The following ZNF285 variants were observed in gnomAD, a reference collection of about 807,000 sequenced individuals.
The protein encoded by ZNF285 is zinc finger protein 285A.
Under a neutral mutation model 6.2 loss-of-function variants are expected in ZNF285, and 4 were observed. That is an observed-to-expected ratio of 0.65 (90% CI 0.32 to 1.49). The LOEUF is 1.49. Among genes scored for constraint, ZNF285 ranks in the 40% most tolerant of loss-of-function variants. The pLI, the probability that ZNF285 is intolerant of heterozygous loss-of-function variation, is 0.07. For synonymous variants in ZNF285, 240 were observed against 245.8 expected (o/e 0.98, Z 0.22); for missense variants, 695 against 708.8 (o/e 0.98, Z 0.22).
Position 44,386,631 on chromosome 19 carries a change from C to T in ZNF285, c.1614G>A (p.Arg538=), listed in dbSNP as rs1464292973. 1.9e-6 allele frequency: 3 copies of T among 1,614,086 alleles called. No individual in the cohort carries two copies. Among genetic ancestry groups the T allele is most frequent in the Non-Finnish European group, 2.5e-6 (3 of 1,180,012 alleles). ...NVHLRVHTGE[R]PYKCKACGKG... ...TACCACATGCCTTACACTTATAGGG[C>T]CTCTCTCCTGTGTGGACTCTGAGGT... Residue 538 remains arginine (R), a synonymous_variant, in exon 4 of 4, where the codon AGG becomes AGA. Coordinates refer to ENST00000614994, the MANE Select transcript of ZNF285 (RefSeq NM_152354.6).
In ZNF285 at chr19:44,382,700, C is replaced by T. The variant is rs1284062198; in HGVS notation, c.*3772G>A. On this transcript the variant is annotated 3_prime_UTR_variant, in exon 4 of 4. Transcript: ENST00000614994. Reference sequence around the variant, plus strand: ...AAGCAGGAAATAGACCACACCTCACCGCTATGTTTTTATCCTTCTTAAAGA... The same window carrying T: ...AAGCAGGAAATAGACCACACCTCACTGCTATGTTTTTATCCTTCTTAAAGA... The T allele has an allele frequency of 6.6e-6, 1 of 152,166 alleles. No individual in the cohort carries two copies. The highest frequency in any genetic ancestry group is 1.9e-4 in the East Asian group (1 of 5,196). The allele number at this position is 152,166 out of a possible 1,614,324, so 9.4% of individuals were successfully genotyped here. A position where few individuals can be genotyped will look rare whatever the true frequency, so the allele number is the denominator to read the frequency against.
intron 3 of ZNF285, among the ~76,000 whole-genome samples, chr19:44,390,920 C>A (rs1199445518): frequency 6.6e-6 from 1 of 151,986 alleles, no homozygotes; most frequent in East Asian, 1.9e-4. Flanking sequence ...CTTTGGGAGG[C>A]TGAGGCGGGT....
rs1971028898 is a variant in ZNF285 at position 44,383,367 on chromosome 19, A to C, written c.*3105T>G. 6.6e-6 allele frequency: 1 copy of C among 152,194 alleles called. No homozygotes were observed. The highest frequency in any genetic ancestry group is 1.5e-5 in the Non-Finnish European group (1 of 68,048). The allele number at this position is 152,194 out of a possible 1,614,324, so 9.4% of individuals were successfully genotyped here. On this transcript the variant is annotated 3_prime_UTR_variant, in exon 4 of 4. Coordinates refer to ENST00000614994, the MANE Select transcript of ZNF285 (RefSeq NM_152354.6). ...TGAGCCTGTTCCCTGATGAGGCCTT[A>C]AGAGATCACAGCTTTTGCCCTTGAA...
Position 44,396,875 on chromosome 19 carries a change from G to A in ZNF285, c.15+324C>T, listed in dbSNP as rs562253762. 7.0e-5 allele frequency: 23 copies of A among 329,196 alleles called. No individual in the cohort carries two copies. In the Middle Eastern group the frequency reaches 2.7e-3, roughly 39 times the overall value. The allele number at this position is 329,196 out of a possible 1,614,324, so 20.4% of individuals were successfully genotyped here. On this transcript the variant is annotated intron_variant, in intron 2 of 3. Coordinates refer to ENST00000614994, the MANE Select transcript of ZNF285 (RefSeq NM_152354.6). The stretch of plus-strand genomic sequence containing the variant: ...TGCTGCCCATGCACTCGGATGCTGC[G>A]GCAACACCAAATTTCTGTAAGTTTC...
chr19:44,383,131 T>C lies in ZNF285; in HGVS notation c.*3341A>G, dbSNP rs1971026365. The C allele has an allele frequency of 6.6e-6, 1 of 152,258 alleles. No homozygotes were observed. The highest frequency in any genetic ancestry group is 2.4e-5 in the African/African-American group (1 of 41,466). The allele number at this position is 152,258 out of a possible 1,614,324, so 9.4% of individuals were successfully genotyped here. On this transcript the variant is annotated 3_prime_UTR_variant, in exon 4 of 4. Transcript: ENST00000614994. ...GTGTGAAACCAATTTGTTGACCCGA[T>C]AATTTTAAAACAGCCTTCAATTGGT...
In ZNF285 at chr19:44,385,361, T is replaced by C. The variant is rs1971053192; in HGVS notation, c.*1111A>G. 1 of 152,186 alleles carries C rather than the reference T, an allele frequency of 6.6e-6. No individual in the cohort carries two copies. The highest frequency in any genetic ancestry group is 6.5e-5 in the Admixed American group (1 of 15,280). 9.4% of individuals were successfully genotyped at this position (152,186 alleles called of 1,614,324 possible). ...TGAGATTTCTTACGTCGGTGGGTTA[T>C]ACTTTTCAGTAAAGTTTTACCACAG... is the stretch of plus-strand genomic sequence containing the variant. On this transcript the variant is annotated 3_prime_UTR_variant, in exon 4 of 4. Transcript: ENST00000614994.
rs775608752 is a variant in ZNF285, at chr19:44,392,456, G to A, written c.26C>T (p.Thr9Ile). Residue 9 changes from threonine to isoleucine, a missense_variant, in exon 3 of 4, where the codon ACA (threonine) becomes ATA (isoleucine). Transcript: ENST00000614994. MIKFQERV[T>I]FKDVAVVFTK... ...GAAGACAACAGCCACATCCTTGAAT[G>A]TCACCCTTTCCTAAAACATCAACCA... 1.2e-6 allele frequency: 2 copies of A among 1,613,834 alleles called. No individual in the cohort carries two copies. Among genetic ancestry groups the A allele is most frequent in the South Asian group, 1.1e-5 (1 of 91,076 alleles).
intron 1 of ZNF285, 37 bp from the exon 2 acceptor site, chr19:44,397,293 A>C (rs781673870): frequency 6.2e-7 from 1 of 1,607,840 alleles, no homozygotes; most frequent in African/African-American, 1.3e-5. Flanking sequence ...TCATGGGTTC[A>C]ACAAGTTGTG....
chr19:44,389,804 C>T (rs1375594423), intron 3 of ZNF285, among the ~76,000 whole-genome samples: 1 of 152,058 alleles, frequency 6.6e-6, no homozygotes, highest in African/African-American at 2.4e-5. Context: ...GGGTTTTATC[C>T]TGCAGTTTGA....
At position 44,387,040 on chromosome 19, in the gene ZNF285, C is replaced by T. The variant is rs777460889; in HGVS notation, c.1205G>A (p.Cys402Tyr). 1.9e-6 allele frequency: 3 copies of T among 1,614,014 alleles called. No homozygotes were observed. The highest frequency in any genetic ancestry group is 1.1e-5 in the South Asian group (1 of 91,082). Reference protein sequence around the residue: ...RVHTGEKPYKCSECGKCFSSS... With the variant: ...RVHTGEKPYKYSECGKCFSSS... ...ACTAAAGCACTTGCCACACTCACTG[C>T]ATTTGTAGGGCTTCTCTCCAGTGTG... is the stretch of plus-strand genomic sequence containing the variant. Residue 402 changes from cysteine to tyrosine, a missense_variant, in exon 4 of 4, where the codon TGC becomes TAC. Transcript: ENST00000614994.
intron 3 of ZNF285, among the ~76,000 whole-genome samples, chr19:44,389,051 C>G (rs1971148352): frequency 6.7e-6 from 1 of 148,320 alleles, no homozygotes; most frequent in Admixed American, 6.7e-5. Context: ...TTTATTTTCC[C>G]CAAGGTTCTT....
Position 44,387,263 on chromosome 19 carries a change from T to G in ZNF285, c.982A>C (p.Ser328Arg). ...CKECGKGFRRSSSLHNHHRVH... is the reference protein window; with the variant it reads ...CKECGKGFRRRSSLHNHHRVH... ...CGATGATGGTTGTGAAGGGAAGAGC[T>G]GCGCCTGAAGCCCTTGCCACATTCT... Residue 328 changes from serine to arginine, a missense_variant, in exon 4 of 4, where the codon AGC (serine) becomes CGC (arginine). Physicochemically the swap from Ser to Arg is moderately radical, Grantham distance 110 (BLOSUM62 -1). Transcript: ENST00000614994. The G allele has an allele frequency of 6.2e-7, 1 of 1,614,168 alleles. No homozygotes were observed. The highest frequency in any genetic ancestry group is 8.5e-7 in the Non-Finnish European group (1 of 1,180,018).
intron 2 of ZNF285, among the ~76,000 whole-genome samples, chr19:44,393,394 C>T (rs1444857681): frequency 1.3e-5 from 2 of 151,986 alleles, no homozygotes; most frequent in Non-Finnish European, 2.9e-5. Flanking sequence ...TAATAACCAT[C>T]TCCTCATGTG....
chr19:44,397,820 G>C (rs1385313704), intron 1 of ZNF285, among the ~76,000 whole-genome samples: 1 of 151,042 alleles, frequency 6.6e-6, no homozygotes, highest in African/African-American at 2.4e-5. Context: ...AGAGGCTGCA[G>C]TGAGCTGTGA....
chr19:44,386,936 A>T lies in ZNF285; in HGVS notation c.1309T>A (p.Phe437Ile), dbSNP rs948984786. ...PYRCGECGKG[F>I]SQCTHLHIHQ... ...ATGTGAAGGTGTGTACATTGGCTGAAGCCCTTTCCACACTCACCACACCTA... is the reference window on the plus strand; with the variant it reads ...ATGTGAAGGTGTGTACATTGGCTGATGCCCTTTCCACACTCACCACACCTA... The change falls in exon 4 of 4, where the codon TTC (phenylalanine) becomes ATC (isoleucine). Residue 437 changes from phenylalanine to isoleucine, a missense_variant. Phe to Ile is a conservative substitution (Grantham distance 21). Coordinates refer to ENST00000614994, the MANE Select transcript of ZNF285 (RefSeq NM_152354.6). 3.7e-5 allele frequency: 59 copies of T among 1,614,032 alleles called. No individual in the cohort carries two copies. Among genetic ancestry groups the T allele is most frequent in the Non-Finnish European group, 4.2e-5 (50 of 1,180,016 alleles).
Position 44,386,788 on chromosome 19 carries a change from C to T in ZNF285, c.1457G>A (p.Cys486Tyr), listed in dbSNP as rs748446707. Residue 486 changes from cysteine to tyrosine, a missense_variant, in exon 4 of 4, where the codon TGT becomes TAT. Transcript: ENST00000614994. ...RVHTGEKPYK[C>Y]EVCGKCFSYS... Reference sequence around the variant, plus strand: ...ACTGAAGCACTTTCCACACACTTCACATTTATATGGTTTTTCTCCAGTGTG... The same window carrying T: ...ACTGAAGCACTTTCCACACACTTCATATTTATATGGTTTTTCTCCAGTGTG... The T allele has an allele frequency of 5.0e-6, 8 of 1,614,230 alleles. No individual in the cohort carries two copies. The highest frequency in any genetic ancestry group is 3.3e-5 in the South Asian group (3 of 91,088).
intron 3 of ZNF285, among the ~76,000 whole-genome samples, chr19:44,389,492 C>G (rs1971156543): frequency 6.6e-6 from 1 of 152,124 alleles, no homozygotes; most frequent in African/African-American, 2.4e-5. Flanking sequence ...AGCATTATGA[C>G]TCAGTAGGAA....
Position 44,386,652 on chromosome 19 carries a change from G to A in ZNF285, c.1593C>T (p.Leu531=). The change falls in exon 4 of 4, where the codon CTC becomes CTT. Residue 531 remains leucine, a synonymous_variant. Coordinates refer to ENST00000614994, the MANE Select transcript of ZNF285 (RefSeq NM_152354.6). The stretch of plus-strand genomic sequence containing the variant: ...AGGGCCTCTCTCCTGTGTGGACTCT[G>A]AGGTGAACATTAAGATCTGAATTCC... ...FSRNSDLNVH[L]RVHTGERPYK... 6.2e-7 allele frequency: 1 copy of A among 1,613,946 alleles called. No individual in the cohort carries two copies.
At position 44,386,284 on chromosome 19, in the gene ZNF285, G is replaced by A. The variant is rs1333852879; in HGVS notation, c.*188C>T. 3.2e-6 allele frequency: 2 copies of A among 627,936 alleles called. No homozygotes were observed. Among genetic ancestry groups the A allele is most frequent in the East Asian group, 2.9e-5 (1 of 34,946 alleles). The allele number at this position is 627,936 out of a possible 1,614,324, so 38.9% of individuals were successfully genotyped here. On this transcript the variant is annotated 3_prime_UTR_variant, in exon 4 of 4. Transcript: ENST00000614994. ...GCCATTGTAGCATACAGCAGTTGAT[G>A]GGAGCTTCACAGAAGTTCTTGAAAT...
Sources: gnomAD v4.1 joint callset for allele counts (sites outside exome capture counted in the v4.1 genomes callset) on GRCh38, gnomAD v4.1.1 for gene constraint, MANE v1.5 for transcripts, NCBI Gene and HGNC (gene_info 2026-07-23, HGNC 2026-07-21) for gene names.